MAPK6: variants seen among roughly 807,000 people sequenced by gnomAD.
MAPK6 encodes the protein ERK-3.
MAPK6 carries 19 observed loss-of-function variants against 59.3 expected under a neutral mutation model. The ratio of observed to expected loss-of-function variants is 0.32; its 90% CI spans 0.22 to 0.47. The LOEUF (loss-of-function observed/expected upper bound fraction) is 0.47. Among genes scored for constraint, MAPK6 ranks in the 20% least tolerant of loss-of-function variants. MAPK6 has a pLI of 1.00. For synonymous variants in MAPK6, 316 were observed against 290.3 expected (o/e 1.09, Z -0.90); for missense variants, 724 against 847.9 (o/e 0.85, Z 1.81).
At chr15:51,996,150 A>G (rs2057223598) in intron 2 of MAPK6, among the ~76,000 whole-genome samples, 1 of 152,154 alleles carries the variant, frequency 6.6e-6, no homozygotes, top group South Asian at 2.1e-4. Context: ...GGGAATAACA[A>G]CAAGAGGCAT....
At chr15:52,032,501 T>C (rs75533754) in intron 1 of MAPK6, among the ~76,000 whole-genome samples, 331 of 151,666 alleles carry the variant, frequency 2.2e-3, no homozygotes, top group Non-Finnish European at 2.9e-3. Context: ...TGGATAGATA[T>C]TTTTAATAGA....
At chr15:52,021,731 C>G (rs1378317672) in intron 1 of MAPK6, among the ~76,000 whole-genome samples, 1 of 151,948 alleles carries the variant, frequency 6.6e-6, no homozygotes, top group South Asian at 2.1e-4. Flanking sequence ...TGAAAGTTAT[C>G]TTTATATTTA....
In MAPK6 at chr15:52,065,418, A is replaced by G. The variant is rs564239957; in HGVS notation, c.*418A>G. The G allele has an allele frequency of 6.4e-6, 1 of 155,130 alleles. No homozygotes were observed. The highest frequency in any genetic ancestry group is 2.4e-5 in the African/African-American group (1 of 41,624). The allele number at this position is 155,130 out of a possible 1,614,324, so 9.6% of individuals were successfully genotyped here. ...TATTTTCAAGTTTTTCATACTGTAC[A>G]CATTTCTTAAAACACATGATACCAG... is the stretch of plus-strand genomic sequence containing the variant. On this transcript the variant is annotated 3_prime_UTR_variant, in exon 6 of 6. Coordinates refer to ENST00000261845, the MANE Select transcript of MAPK6 (RefSeq NM_002748.4).
Position 52,064,633 on chromosome 15 carries a change from G to C in MAPK6, c.1799G>C (p.Gly600Ala), listed in dbSNP as rs575423229. Residue 600 changes from glycine (G) to alanine (A), a missense_variant, in exon 6 of 6, where the codon GGT becomes GCT. Physicochemically the swap from Gly to Ala is moderately conservative, Grantham distance 60. Around this residue, in one of 4 missense-constraint regions of MAPK6, gnomAD observed 502 missense variants for 507.6 expected, o/e 0.99. Coordinates refer to ENST00000261845, the MANE Select transcript of MAPK6 (RefSeq NM_002748.4). ...QSSWDSQFVS[G>A]GEDCFFINQF... ...TCTTGGGACAGCCAGTTTGTGAGTGGTGGGGAGGACTGTTTTTTCATAAAT... is the reference window on the plus strand; with the variant it reads ...TCTTGGGACAGCCAGTTTGTGAGTGCTGGGGAGGACTGTTTTTTCATAAAT... The C allele has an allele frequency of 6.2e-7, 1 of 1,611,858 alleles. No homozygotes were observed. The highest frequency in any genetic ancestry group is 8.5e-7 in the Non-Finnish European group (1 of 1,179,736).
At chr15:52,014,205 C>A (rs965083378) in intron 3 of MAPK6, among the ~76,000 whole-genome samples, 4 of 152,138 alleles carry the variant, frequency 2.6e-5, no homozygotes, top group African/African-American at 9.7e-5. Context: ...CATCTCTGCT[C>A]AGGAAGCACT....
At chr15:51,985,380 C>T (rs1003834835) in intron 2 of MAPK6, among the ~76,000 whole-genome samples, 1 of 151,870 alleles carries the variant, frequency 6.6e-6, no homozygotes, top group Non-Finnish European at 1.5e-5. Context: ...CATGGTCAGG[C>T]ACGGTGGCTC....
At chr15:52,058,929 G>C (rs189527555) in intron 4 of MAPK6, 132 bp downstream of exon 4, 2 of 610,044 alleles carry the variant, frequency 3.3e-6, no homozygotes, top group Non-Finnish European at 5.0e-6. Flanking sequence ...TAAGGTGTAC[G>C]TAAAACTTCA....
chr15:52,033,992 CT>C (rs755576259), intron 1 of MAPK6: 7 of 149,994 alleles, frequency 4.7e-5, no homozygotes, highest in African/African-American at 7.4e-5. Context: ...TTCCTGGTTG[CT>C]TTTTTTTTGG....
intron 1 of MAPK6, among the ~76,000 whole-genome samples, chr15:52,033,470 C>T (rs974630716): frequency 6.6e-6 from 1 of 152,166 alleles, no homozygotes; most frequent in Non-Finnish European, 1.5e-5. Flanking sequence ...TCCTCCTGCC[C>T]TTGAACATCA....
intron 3 of MAPK6, among the ~76,000 whole-genome samples, chr15:52,004,868 G>A (rs1002366256): frequency 2.0e-5 from 3 of 152,128 alleles, no homozygotes; most frequent in African/African-American, 7.2e-5. Context: ...TGGGGAACAC[G>A]TTCAAACCAT....
chr15:52,049,894 T>G (rs1194731482), intron 2 of MAPK6, 99 bp from the exon 3 acceptor site: 97 of 1,120,496 alleles, frequency 8.7e-5, no homozygotes, highest in Non-Finnish European at 1.1e-4. Context: ...ATTACAGGCA[T>G]GAGCCACCAC....
chr15:52,033,351 A>G (rs566005244), intron 1 of MAPK6, among the ~76,000 whole-genome samples: 107 of 152,162 alleles, frequency 7.0e-4, no homozygotes, highest in Non-Finnish European at 1.2e-3. Flanking sequence ...GCACCATCCA[A>G]TTGGCTGCCA....
chr15:52,056,705 G>C (rs780673230), intron 3 of MAPK6: 1 of 152,242 alleles, frequency 6.6e-6, no homozygotes, highest in African/African-American at 2.4e-5. Flanking sequence ...AGTCACCCTT[G>C]CCAGTTCTCT....
chr15:52,016,070 G>GCGCGCGCGCGCGCGCGGACA, upstream of MAPK6, among the ~76,000 whole-genome samples: 1 of 55,392 alleles, frequency 1.8e-5, no homozygotes, highest in Non-Finnish European at 3.4e-5. Flanking sequence ...GCGCGCGCGC[G>GCGCGCGCGCGCGCGCGGACA]CACACACACA....
chr15:52,029,445 C>G (rs902882674), intron 1 of MAPK6, among the ~76,000 whole-genome samples: 2 of 151,850 alleles, frequency 1.3e-5, no homozygotes, highest in Non-Finnish European at 1.5e-5. Flanking sequence ...TGGTCTCATT[C>G]AACTCATTGT....
chr15:52,025,862 C>T (rs1235938991), intron 1 of MAPK6, among the ~76,000 whole-genome samples: 1 of 152,218 alleles, frequency 6.6e-6, no homozygotes, highest in Non-Finnish European at 1.5e-5. Context: ...TTTGCCCACT[C>T]TAAAATCTAA....
At chr15:51,979,261 G>C (rs2057166223) in intron 1 of MAPK6, among the ~76,000 whole-genome samples, 1 of 151,242 alleles carries the variant, frequency 6.6e-6, no homozygotes, top group Admixed American at 6.6e-5. Flanking sequence ...GAAAGAGAAA[G>C]AAAGAAAGGG....
At chr15:52,040,314 G>A (rs2031377269) in intron 1 of MAPK6, among the ~76,000 whole-genome samples, 1 of 152,200 alleles carries the variant, frequency 6.6e-6, no homozygotes. Flanking sequence ...AGGCTGGCTA[G>A]GTTCCTGTTA....
chr15:52,013,005 AAAAAAAAAAAAAAAAATATATATAT>A (rs1456004264), intron 3 of MAPK6, among the ~76,000 whole-genome samples: 50 of 20,440 alleles, frequency 2.4e-3, no homozygotes, highest in East Asian at 6.8e-3. Flanking sequence ...AAAAAAAAAA[AAAAAAAAAAAAAAAAATATATATAT>A]ATATATATAT....
Sources: gnomAD v4.1 joint callset for allele counts (sites outside exome capture counted in the v4.1 genomes callset) on GRCh38, gnomAD v4.1.1 for gene constraint, gnomAD v4.1.1 regional missense constraint, MANE v1.5 for transcripts, NCBI Gene and HGNC (gene_info 2026-07-23, HGNC 2026-07-21) for gene names.